Variants in PLXDC2 observed in about 807,000 individuals in gnomAD.
PLXDC2 encodes plexin domain containing 2, also known as plexin domain-containing protein 2.
A neutral mutation model predicts 68.9 loss-of-function variants in PLXDC2; 40 were observed. The observed-to-expected ratio is 0.58, with a 90% CI of 0.45 to 0.76. PLXDC2 has a LOEUF of 0.76. Ranked by LOEUF, PLXDC2 falls within the 30% of genes least tolerant of loss-of-function variation. The pLI is 0.00. For missense variants in PLXDC2, 644 were observed against 661.9 expected, an observed-to-expected ratio of 0.97 and a Z score of 0.30; for synonymous variants, 243 against 234.2, an observed-to-expected ratio of 1.04 and a Z score of -0.34.
intron 1 of PLXDC2, among the ~76,000 whole-genome samples, chr10:19,944,928 G>A (rs964857011): frequency 2.0e-5 from 3 of 152,112 alleles, no homozygotes; most frequent in Non-Finnish European, 4.4e-5. Flanking sequence ...CTCCAGCCGG[G>A]GCAACAAGAG....
chr10:20,148,077 T>C (rs1047200174), intron 6 of PLXDC2, among the ~76,000 whole-genome samples, 175 bp downstream of exon 6: 1 of 152,178 alleles, frequency 6.6e-6, no homozygotes, highest in African/African-American at 2.4e-5. Flanking sequence ...CTGGGTGCAT[T>C]GATTGTTAGC....
At chr10:19,895,821 G>A (rs1439017071) in intron 1 of PLXDC2, among the ~76,000 whole-genome samples, 1 of 152,194 alleles carries the variant, frequency 6.6e-6, no homozygotes, top group Admixed American at 6.5e-5. Context: ...GTAGGAGGCT[G>A]AGGCTGGTGG....
At chr10:20,023,729 A>G (rs1835351536) in intron 2 of PLXDC2, among the ~76,000 whole-genome samples, 2 of 151,820 alleles carry the variant, frequency 1.3e-5, no homozygotes, top group Admixed American at 6.6e-5. Flanking sequence ...ACAGTCTGCA[A>G]TCCACAAAAG....
At chr10:20,206,864 A>C (rs1205285068) in intron 9 of PLXDC2, among the ~76,000 whole-genome samples, 3 of 147,676 alleles carry the variant, frequency 2.0e-5, no homozygotes, top group South Asian at 2.1e-4. Context: ...ACACACACAC[A>C]CACACACACA....
chr10:19,889,437 A>G (rs1222332516), intron 1 of PLXDC2, among the ~76,000 whole-genome samples: 1 of 152,206 alleles, frequency 6.6e-6, no homozygotes, highest in Non-Finnish European at 1.5e-5. Flanking sequence ...GGTCTCATTT[A>G]ATAACTTGCT....
chr10:20,050,654 A>C (rs1272920589), intron 3 of PLXDC2, among the ~76,000 whole-genome samples: 2 of 152,160 alleles, frequency 1.3e-5, no homozygotes, highest in African/African-American at 4.8e-5. Context: ...CCCCAATGAG[A>C]TATCATTTCA....
intron 9 of PLXDC2, among the ~76,000 whole-genome samples, chr10:20,189,504 T>TATATATATATATACAC (rs1554773611): frequency 1.9e-4 from 23 of 121,590 alleles, no homozygotes; most frequent in African/African-American, 2.7e-4. Context: ...TATATATATA[T>TATATATATATATACAC]ACACATACAC....
intron 4 of PLXDC2, among the ~76,000 whole-genome samples, chr10:20,085,245 C>A (rs1833175247): frequency 6.6e-6 from 1 of 151,834 alleles, no homozygotes. Context: ...GACTAAACTG[C>A]AGCTGTGTTT....
At chr10:20,106,587 G>A (rs7924216) in intron 4 of PLXDC2, among the ~76,000 whole-genome samples, 2 of 151,990 alleles carry the variant, frequency 1.3e-5, no homozygotes, top group African/African-American at 4.8e-5. Context: ...AAGAACAGGA[G>A]GGGGGAGCTG....
At chr10:20,014,236 C>A (rs1835165288) in intron 2 of PLXDC2, among the ~76,000 whole-genome samples, 1 of 143,934 alleles carries the variant, frequency 6.9e-6, no homozygotes, top group African/African-American at 2.6e-5. Flanking sequence ...TTCCTTCCCT[C>A]CTTCCTTCCT....
chr10:19,825,502 G>A (rs774834978), intron 1 of PLXDC2, among the ~76,000 whole-genome samples: 1 of 152,102 alleles, frequency 6.6e-6, no homozygotes, highest in South Asian at 2.1e-4. Flanking sequence ...GGTCCAGCTG[G>A]AATATGGAAC....
At chr10:20,003,962 A>G (rs1834983284) in intron 2 of PLXDC2, among the ~76,000 whole-genome samples, 3 of 152,194 alleles carry the variant, frequency 2.0e-5, no homozygotes. Context: ...GTGCTGGTAC[A>G]TTCTTTCTCA....
In PLXDC2 at chr10:20,126,595, C is replaced by T. The variant is rs192717571; in HGVS notation, c.542-16700C>T. ...GTTATATATGTATATATAACACACA[C>T]GTTATATATGTATATATAACACACA... On this transcript the variant is annotated intron_variant, in intron 4 of 13. Coordinates refer to ENST00000377252, the MANE Select transcript of PLXDC2 (RefSeq NM_032812.9). 1.6e-3 allele frequency among the ~76,000 whole-genome samples: 3 copies of T among 1,896 alleles called. 1 individual carries two copies. The highest frequency in any genetic ancestry group is 0.012 in the Admixed American group (1 of 84). The allele number at this position is 1,896 out of a possible 152,430, so 1.2% of individuals were successfully genotyped here. A position where few individuals can be genotyped will look rare whatever the true frequency, so the allele number is the denominator to read the frequency against.
chr10:19,892,695 A>G (rs183009357), intron 1 of PLXDC2, among the ~76,000 whole-genome samples: 1 of 152,310 alleles, frequency 6.6e-6, no homozygotes, highest in East Asian at 1.9e-4. Context: ...TAGACTTCTT[A>G]TAGTTTCGGA....
At chr10:20,015,321 A>C (rs1835192422) in intron 2 of PLXDC2, among the ~76,000 whole-genome samples, 1 of 152,142 alleles carries the variant, frequency 6.6e-6, no homozygotes, top group Admixed American at 6.5e-5. Context: ...AAAGTCTCTA[A>C]AGAGAAATTT....
chr10:20,072,118 G>A (rs1836327133), intron 4 of PLXDC2, among the ~76,000 whole-genome samples: 1 of 151,786 alleles, frequency 6.6e-6, no homozygotes, highest in East Asian at 1.9e-4. Context: ...AGGCCGAGGT[G>A]GGCGGATCAC....
At chr10:20,260,235 A>G (rs1588549117) in intron 13 of PLXDC2, among the ~76,000 whole-genome samples, 1 of 152,252 alleles carries the variant, frequency 6.6e-6, no homozygotes, top group East Asian at 1.9e-4. Context: ...ACATATTTTC[A>G]GTATACTGTG....
chr10:19,948,397 T>C (rs1250045188), intron 1 of PLXDC2, among the ~76,000 whole-genome samples: 3 of 151,562 alleles, frequency 2.0e-5, no homozygotes, highest in African/African-American at 7.3e-5. Context: ...TTTCTTTTTT[T>C]TTTTTTTTTG....
intron 4 of PLXDC2, among the ~76,000 whole-genome samples, chr10:20,096,401 G>C (rs1271276304): frequency 6.6e-6 from 1 of 152,086 alleles, no homozygotes. Context: ...CTAAAAATGG[G>C]ATGAACAGAA....
Sources: gnomAD v4.1 joint callset for allele counts (sites outside exome capture counted in the v4.1 genomes callset) on GRCh38, gnomAD v4.1.1 for gene constraint, MANE v1.5 for transcripts, NCBI Gene and HGNC (gene_info 2026-07-23, HGNC 2026-07-21) for gene names.